Variants in TSC22D3 observed in about 807,000 individuals in gnomAD.
TSC22D3 encodes the protein TSC22 domain family protein 3.
In TSC22D3, 4 loss-of-function variants were observed where a neutral mutation model predicts 11.1. The ratio of observed to expected loss-of-function variants is 0.36; its 90% CI spans 0.18 to 0.83. The LOEUF (loss-of-function observed/expected upper bound fraction) is 0.83, where lower values mean the gene tolerates loss of function less well. Among genes scored for constraint, TSC22D3 ranks in the 40% least tolerant of loss-of-function variants. The pLI is 0.48. For missense variants in TSC22D3, 118 were observed against 159.4 expected (o/e 0.74, Z 1.40); for synonymous variants, 77 against 70.3 (o/e 1.10, Z -0.48).
chrX:107,717,466 C>T (rs750880431), intron 1 of TSC22D3, among the ~76,000 whole-genome samples: 4 of 112,167 alleles, frequency 3.6e-5, no homozygotes, highest in African/African-American at 6.5e-5. Flanking sequence ...CACCCTCTTC[C>T]CAGTCACTGC....
At chrX:107,751,621 A>T (rs775943688) in intron 1 of TSC22D3, among the ~76,000 whole-genome samples, 2 of 112,121 alleles carry the variant, frequency 1.8e-5, no homozygotes, top group African/African-American at 6.5e-5. Flanking sequence ...TTTCTTCCCT[A>T]CATCTTCCGT....
At chrX:107,717,551 A>C (rs2147718301) in intron 1 of TSC22D3, among the ~76,000 whole-genome samples, 1 of 111,458 alleles carries the variant, frequency 9.0e-6, no homozygotes, top group African/African-American at 3.3e-5. Context: ...CTTTCCCCTC[A>C]CCAGCCAGCT....
intron 1 of TSC22D3, among the ~76,000 whole-genome samples, chrX:107,765,818 C>T (rs1172082462): frequency 8.9e-6 from 1 of 112,291 alleles, no homozygotes. Context: ...TCTGCATCTC[C>T]ATCTCAGGTC....
intron 1 of TSC22D3, among the ~76,000 whole-genome samples, chrX:107,731,081 G>A (rs1320736762): frequency 3.6e-5 from 4 of 112,571 alleles, no homozygotes; most frequent in Admixed American, 2.8e-4. Flanking sequence ...AGATCACAGG[G>A]GCTTTAATCC....
At chrX:107,718,286 G>C (rs1298089889) in intron 1 of TSC22D3, among the ~76,000 whole-genome samples, 2 of 112,563 alleles carry the variant, frequency 1.8e-5, no homozygotes, top group South Asian at 3.6e-4. Context: ...GAAGGAGCAA[G>C]AGGGGCAGGG....
intron 1 of TSC22D3, among the ~76,000 whole-genome samples, chrX:107,761,224 C>T (rs1400118990): frequency 1.8e-5 from 2 of 112,312 alleles, no homozygotes; most frequent in African/African-American, 6.5e-5. Flanking sequence ...GGCTAATGTC[C>T]TCTGCTCCTT....
intron 1 of TSC22D3, among the ~76,000 whole-genome samples, chrX:107,735,337 T>C (rs913614072): frequency 8.9e-6 from 1 of 111,893 alleles, no homozygotes; most frequent in African/African-American, 3.3e-5. Flanking sequence ...GAATCCCCTC[T>C]CAGGGCCTTG....
intron 1 of TSC22D3, among the ~76,000 whole-genome samples, chrX:107,751,723 C>T (rs1014880214): frequency 8.9e-6 from 1 of 112,044 alleles, no homozygotes; most frequent in East Asian, 2.8e-4. Flanking sequence ...GGGGACTTCA[C>T]CTAGACAAGA....
chrX:107,775,474 C>A lies in TSC22D3; in HGVS notation c.-55G>T. On this transcript the variant is annotated 5_prime_UTR_variant, in exon 1 of 3. Coordinates refer to ENST00000372383, the MANE Select transcript of TSC22D3 (RefSeq NM_198057.3). The stretch of plus-strand genomic sequence containing the variant: ...CGAGGTCAGGGGCGGCTGGCAGGTG[C>A]GCGCCCACCGAGCTGGCCTGAGGGG... The A allele has an allele frequency of 9.7e-7, 1 of 1,029,889 alleles. No homozygotes were observed. Among genetic ancestry groups the A allele is most frequent in the South Asian group, 2.3e-5 (1 of 44,069 alleles). 84.9% of individuals were successfully genotyped at this position (1,029,889 alleles called of 1,213,427 possible).
intron 1 of TSC22D3, among the ~76,000 whole-genome samples, chrX:107,737,228 A>T (rs1181082216): frequency 9.0e-6 from 1 of 111,240 alleles, no homozygotes; most frequent in Non-Finnish European, 1.9e-5. Flanking sequence ...ACTTGTGAAG[A>T]TCCTGGCCAA....
intron 1 of TSC22D3, among the ~76,000 whole-genome samples, chrX:107,724,006 G>A (rs1927487563): frequency 8.9e-6 from 1 of 112,587 alleles, no homozygotes; most frequent in African/African-American, 3.2e-5. Context: ...GGCTGTGATG[G>A]GTAAGCACTG....
chrX:107,723,504 C>A (rs1033976396), intron 1 of TSC22D3, among the ~76,000 whole-genome samples: 1 of 112,566 alleles, frequency 8.9e-6, no homozygotes, highest in South Asian at 3.7e-4. Context: ...CTCCTACAGA[C>A]CAACAAGCAT....
At chrX:107,768,853 C>G (rs971194040) in intron 1 of TSC22D3, among the ~76,000 whole-genome samples, 1 of 112,822 alleles carries the variant, frequency 8.9e-6, no homozygotes, top group Admixed American at 9.3e-5. Flanking sequence ...ATGAGAGATA[C>G]ACACTAAAAC....
At chrX:107,757,349 G>A (rs751858411) in intron 1 of TSC22D3, among the ~76,000 whole-genome samples, 226 of 111,629 alleles carry the variant, frequency 2.0e-3, no homozygotes, top group African/African-American at 6.7e-3. Context: ...GTCCTTAAAG[G>A]AGTGGAACTG....
chrX:107,767,253 T>C (rs912508562), intron 1 of TSC22D3, among the ~76,000 whole-genome samples: 1 of 111,818 alleles, frequency 8.9e-6, no homozygotes, highest in Non-Finnish European at 1.9e-5. Context: ...AAGGTCCCTG[T>C]GTGCTCTGTC....
intron 1 of TSC22D3, among the ~76,000 whole-genome samples, chrX:107,763,853 C>T (rs1929550583): frequency 8.9e-6 from 1 of 112,187 alleles, no homozygotes; most frequent in Admixed American, 9.4e-5. Flanking sequence ...TACTAGTTAC[C>T]CCATGAGCTT....
At chrX:107,719,169 G>C (rs923832507) in intron 1 of TSC22D3, among the ~76,000 whole-genome samples, 8 of 111,843 alleles carry the variant, frequency 7.2e-5, no homozygotes, top group Non-Finnish European at 1.5e-4. Flanking sequence ...ACACCACCAG[G>C]AAAACAGGGC....
chrX:107,766,812 C>T (rs1007972940), intron 1 of TSC22D3, among the ~76,000 whole-genome samples: 2 of 110,290 alleles, frequency 1.8e-5, no homozygotes, highest in African/African-American at 6.6e-5. Context: ...TTGACTTGGA[C>T]CCCCAGCAGG....
chrX:107,716,550 TC>T (rs1257867436), intron 1 of TSC22D3: 7 of 238,349 alleles, frequency 2.9e-5, no homozygotes, highest in Non-Finnish European at 3.0e-5. Flanking sequence ...CTGCGTCCCC[TC>T]CCCCCCGCCC....
Sources: gnomAD v4.1 joint callset for allele counts (sites outside exome capture counted in the v4.1 genomes callset) on GRCh38, gnomAD v4.1.1 for gene constraint, MANE v1.5 for transcripts, NCBI Gene and HGNC (gene_info 2026-07-23, HGNC 2026-07-21) for gene names.